Variants in SS18L1 observed in about 807,000 individuals in gnomAD.
SS18L1 encodes calcium-responsive transactivator.
Under a neutral mutation model 70.3 loss-of-function variants are expected in SS18L1, and 32 were observed. The observed-to-expected ratio is 0.46, with a 90% CI of 0.34 to 0.61. The LOEUF (loss-of-function observed/expected upper bound fraction) is 0.61. SS18L1 is among the 20% of genes least tolerant of loss of function. The pLI is 0.01. For synonymous variants in SS18L1, 237 were observed against 229.7 expected, an observed-to-expected ratio of 1.03 and a Z score of -0.29; for missense variants, 430 against 542.1, an observed-to-expected ratio of 0.79 and a Z score of 2.05.
chr20:62,173,353 G>T (rs1355587058), intron 9 of SS18L1, among the ~76,000 whole-genome samples: 1 of 152,208 alleles, frequency 6.6e-6, no homozygotes, highest in African/African-American at 2.4e-5. Context: ...TTCTTATGAG[G>T]CACGTGCCTG....
intron 1 of SS18L1, among the ~76,000 whole-genome samples, chr20:62,149,880 T>C (rs2427259): frequency 0.16 from 24,624 of 152,162 alleles, 5,984 homozygotes; most frequent in African/African-American, 0.53. Context: ...ATGAGATGCA[T>C]ACAGACGTCG....
chr20:62,164,369 C>T, intron 7 of SS18L1, 123 bp downstream of exon 7: 1 of 1,070,970 alleles, frequency 9.3e-7, no homozygotes, highest in Non-Finnish European at 1.3e-6. Flanking sequence ...CAGCTCAGGC[C>T]TGGGCTACAG....
At position 62,143,778 on chromosome 20, in the gene SS18L1, G is replaced by C; in HGVS notation, c.-43G>C. 7.5e-7 allele frequency: 1 copy of C among 1,329,496 alleles called. No individual in the cohort carries two copies. The highest frequency in any genetic ancestry group is 9.9e-7 in the Non-Finnish European group (1 of 1,008,496). 82.4% of individuals were successfully genotyped at this position (1,329,496 alleles called of 1,614,324 possible). On this transcript the variant is annotated 5_prime_UTR_variant, in exon 1 of 11. Coordinates refer to ENST00000331758, the MANE Select transcript of SS18L1 (RefSeq NM_198935.3). ...CCTCGGGCCGCCCAGCGCAGCCGGA[G>C]TATCCACCTCGATGACCACGGGCTG...
Position 62,182,082 on chromosome 20 carries a change from A to T in SS18L1, c.*2874A>T, listed in dbSNP as rs2057719670. 8.7e-6 allele frequency: 2 copies of T among 229,354 alleles called. No homozygotes were observed. 14.2% of individuals were successfully genotyped at this position (229,354 alleles called of 1,614,324 possible). ...AAACAGTACATCAGAACTCATGCCA[A>T]CAGTCTTTATGATGGGATTAAGGTG... On this transcript the variant is annotated 3_prime_UTR_variant, in exon 11 of 11. Transcript: ENST00000331758.
intron 10 of SS18L1, chr20:62,175,351 C>T (rs543137681): frequency 3.0e-6 from 3 of 985,384 alleles, no homozygotes; most frequent in Admixed American, 6.1e-5. Context: ...ACATCGCTTT[C>T]CCTCTGAGTG....
At chr20:62,178,487 G>A (rs1315961813) in intron 10 of SS18L1, among the ~76,000 whole-genome samples, 1 of 151,910 alleles carries the variant, frequency 6.6e-6, no homozygotes, top group Non-Finnish European at 1.5e-5. Flanking sequence ...GTAGAGATGG[G>A]GTCTTGCTGT....
At chr20:62,153,591 C>G (rs1405865325) in intron 1 of SS18L1, among the ~76,000 whole-genome samples, 4 of 152,192 alleles carry the variant, frequency 2.6e-5, no homozygotes, top group African/African-American at 7.2e-5. Context: ...TGATAAACAC[C>G]TTGCTCACTG....
chr20:62,161,648 C>A lies in SS18L1; in HGVS notation c.376+68C>A. ...ACCAAGGCAGCCCTTGGGCAGCCGG[C>A]TGCCATGGTGGGGCACCCCACCCCT... On this transcript the variant is annotated intron_variant, in intron 4 of 10. Coordinates refer to ENST00000331758, the MANE Select transcript of SS18L1 (RefSeq NM_198935.3). This position sits in a 1 kb window ranked among gnomAD's most constrained non-coding sequence, Gnocchi z 4.4. 1 of 1,550,798 alleles carries A rather than the reference C, an allele frequency of 6.4e-7. No individual in the cohort carries two copies. Among genetic ancestry groups the A allele is most frequent in the Non-Finnish European group, 8.7e-7 (1 of 1,143,614 alleles).
intron 1 of SS18L1, among the ~76,000 whole-genome samples, chr20:62,152,560 T>A (rs1256657214): frequency 6.6e-6 from 1 of 152,152 alleles, no homozygotes; most frequent in Non-Finnish European, 1.5e-5. Flanking sequence ...GCAGAAAAAT[T>A]CACAAGTGCA....
rs2057694095 is a variant in SS18L1, at chr20:62,180,776, T to A, written c.*1568T>A. 6.2e-6 allele frequency: 1 copy of A among 161,702 alleles called. No homozygotes were observed. Among genetic ancestry groups the A allele is most frequent in the Non-Finnish European group, 1.4e-5 (1 of 73,632 alleles). The allele number at this position is 161,702 out of a possible 1,614,324, so 10.0% of individuals were successfully genotyped here. On this transcript the variant is annotated 3_prime_UTR_variant, in exon 11 of 11. Coordinates refer to ENST00000331758, the MANE Select transcript of SS18L1 (RefSeq NM_198935.3). ...CAGGTATGGTGGTGCATACCTGTAA[T>A]CCCAGCTACTCGGGAACCTGAGGCA...
Position 62,175,051 on chromosome 20 carries a change from G to A in SS18L1, c.1164+407G>A, listed in dbSNP as rs747356307. 88 of 741,258 alleles carry A rather than the reference G, an allele frequency of 1.2e-4. 1 individual carries two copies. The highest frequency in any genetic ancestry group is 6.3e-5 in the Admixed American group (1 of 15,944). 45.9% of individuals were successfully genotyped at this position (741,258 alleles called of 1,614,324 possible). A position where few individuals can be genotyped will look rare whatever the true frequency, so the allele number is the denominator to read the frequency against. Reference sequence around the variant, plus strand: ...ACAGGGCCAGACTGTGCTGAGGACAGAGCGGGGGGCCCCAAATGGAGCCCG... The same window carrying A: ...ACAGGGCCAGACTGTGCTGAGGACAAAGCGGGGGGCCCCAAATGGAGCCCG... On this transcript the variant is annotated intron_variant, in intron 10 of 10. Coordinates refer to ENST00000331758, the MANE Select transcript of SS18L1 (RefSeq NM_198935.3).
Position 62,179,431 on chromosome 20 carries a change from T to C in SS18L1, c.*223T>C, listed in dbSNP as rs1263014344. 3 of 587,528 alleles carry C rather than the reference T, an allele frequency of 5.1e-6. No homozygotes were observed. In the African/African-American group the frequency reaches 5.6e-5, roughly 11 times the overall value. The allele number at this position is 587,528 out of a possible 1,614,324, so 36.4% of individuals were successfully genotyped here. A position where few individuals can be genotyped will look rare whatever the true frequency, so the allele number is the denominator to read the frequency against. On this transcript the variant is annotated 3_prime_UTR_variant, in exon 11 of 11. Coordinates refer to ENST00000331758, the MANE Select transcript of SS18L1 (RefSeq NM_198935.3). ...GATACTTTTGGTGCTGTGTATAGTA[T>C]TGTATGTCGGTACACGGAGAGGTAT...
chr20:62,157,965 C>T (rs1601009581), intron 1 of SS18L1, among the ~76,000 whole-genome samples: 1 of 152,220 alleles, frequency 6.6e-6, no homozygotes, highest in African/African-American at 2.4e-5. Context: ...GTTGGTGCAG[C>T]CCCTGCAGGA....
chr20:62,150,633 ATTTTTTTTTTTTTTTTTTTTTTT>A (rs34708339), intron 1 of SS18L1, among the ~76,000 whole-genome samples: 4 of 58,054 alleles, frequency 6.9e-5, no homozygotes, highest in East Asian at 1.6e-3. Context: ...ATTGAGGTGG[ATTTTTTTTTTTTTTTTTTTTTTT>A]TTTTTTTTTT....
At chr20:62,154,242 C>T (rs2057182901) in intron 1 of SS18L1, 1 of 847,096 alleles carries the variant, frequency 1.2e-6, no homozygotes, top group Non-Finnish European at 1.4e-6. Flanking sequence ...CTGTTGAGAA[C>T]CACTTGTTCA....
intron 1 of SS18L1, among the ~76,000 whole-genome samples, chr20:62,153,991 G>A (rs1414296834): frequency 5.9e-5 from 9 of 152,200 alleles, no homozygotes; most frequent in East Asian, 1.9e-4. Flanking sequence ...CTGTGGACAC[G>A]TGTTATTCTT....
intron 6 of SS18L1, 87 bp from the exon 7 acceptor site, chr20:62,164,058 A>C (rs1297521524): frequency 1.7e-5 from 21 of 1,240,818 alleles, no homozygotes; most frequent in Non-Finnish European, 2.4e-5. Flanking sequence ...GCCATTCAGC[A>C]AGGCCTTGGC....
chr20:62,166,409 A>G (rs1047369850), intron 8 of SS18L1, among the ~76,000 whole-genome samples: 1 of 152,250 alleles, frequency 6.6e-6, no homozygotes, highest in Non-Finnish European at 1.5e-5. Context: ...AAACGGCTAC[A>G]GATTTCCTTG....
intron 1 of SS18L1, among the ~76,000 whole-genome samples, chr20:62,156,357 C>T (rs2057223147): frequency 6.6e-6 from 1 of 152,182 alleles, no homozygotes; most frequent in Admixed American, 6.5e-5. Context: ...CAGGTGGACT[C>T]TCCCTCACCT....
Sources: gnomAD v4.1 joint callset for allele counts (sites outside exome capture counted in the v4.1 genomes callset) on GRCh38, gnomAD v4.1.1 for gene constraint, Gnocchi (gnomAD v3.1) non-coding constraint, MANE v1.5 for transcripts, NCBI Gene and HGNC (gene_info 2026-07-23, HGNC 2026-07-21) for gene names.